Variants in DYM observed in about 807,000 individuals in gnomAD.
The protein encoded by DYM is dyggve-Melchior-Clausen syndrome protein.
DYM carries 78 observed loss-of-function variants against 93.1 expected under a neutral mutation model. The observed-to-expected ratio is 0.84, with a 90% confidence interval of 0.70 to 1.01. DYM has a LOEUF of 1.01. Ranked by LOEUF, DYM falls within the 50% of genes least tolerant of loss-of-function variation. DYM has a pLI of 0.00. For missense variants in DYM, 789 were observed against 845.0 expected, an observed-to-expected ratio of 0.93 and a Z score of 0.82; for synonymous variants, 321 against 319.7, an observed-to-expected ratio of 1.00 and a Z score of -0.04.
chr18:49,456,527 AAAGAT>A (rs772960939), intron 1 of DYM, among the ~76,000 whole-genome samples: 2 of 152,206 alleles, frequency 1.3e-5, no homozygotes, highest in African/African-American at 2.4e-5. Context: ...CAATAAAAGA[AAAGAT>A]AAGCTTTTTA....
At chr18:49,318,797 CTTTT>C (rs932617888) in intron 8 of DYM, among the ~76,000 whole-genome samples, 13 of 114,382 alleles carry the variant, frequency 1.1e-4, no homozygotes, top group Admixed American at 2.7e-4. Flanking sequence ...ATTTCTTTTT[CTTTT>C]TTTTTTTTTT....
chr18:49,341,549 G>T (rs2064145894), intron 6 of DYM, among the ~76,000 whole-genome samples: 1 of 149,492 alleles, frequency 6.7e-6, no homozygotes, highest in Non-Finnish European at 1.5e-5. Flanking sequence ...AGCAAGGTCT[G>T]TATTTCCTTT....
intron 2 of DYM, among the ~76,000 whole-genome samples, chr18:49,415,473 T>C (rs1242790716): frequency 3.3e-5 from 5 of 151,520 alleles, no homozygotes; most frequent in Admixed American, 3.3e-4. Context: ...ATTTAAAGTA[T>C]TAAAAATGAA....
intron 10 of DYM, among the ~76,000 whole-genome samples, chr18:49,280,773 T>TTGGGAAAAGAAGTTTTTC (rs1195043324): frequency 6.6e-6 from 1 of 152,212 alleles, no homozygotes; most frequent in East Asian, 1.9e-4. Flanking sequence ...ATTTGCCCTC[T>TTGGGAAAAGAAGTTTTTC]TGGGAAAAGA....
intron 14 of DYM, among the ~76,000 whole-genome samples, chr18:49,198,640 C>T (rs1162436582): frequency 1.3e-5 from 2 of 151,828 alleles, no homozygotes; most frequent in African/African-American, 2.4e-5. Context: ...CTCATCATCA[C>T]TGGCCATCAG....
At chr18:49,311,254 T>C (rs2061569096) in intron 8 of DYM, among the ~76,000 whole-genome samples, 3 of 152,164 alleles carry the variant, frequency 2.0e-5, no homozygotes, top group Admixed American at 1.3e-4. Context: ...CCAGTTACGA[T>C]GGTCACTGTG....
chr18:49,080,376 G>C (rs1169771469), intron 17 of DYM, among the ~76,000 whole-genome samples: 5 of 137,524 alleles, frequency 3.6e-5, no homozygotes, highest in African/African-American at 1.1e-4. Flanking sequence ...GTGGCTGGCC[G>C]GGCGAGGGGC....
intron 17 of DYM, among the ~76,000 whole-genome samples, chr18:49,045,964 G>T (rs1198834235): frequency 6.6e-6 from 1 of 152,156 alleles, no homozygotes; most frequent in Non-Finnish European, 1.5e-5. Context: ...AGTGCAGCAG[G>T]CAGAGGCAGG....
intron 14 of DYM, among the ~76,000 whole-genome samples, chr18:49,190,286 T>C (rs554270233): frequency 8.5e-5 from 13 of 152,370 alleles, no homozygotes; most frequent in East Asian, 3.9e-4. Context: ...TGATACTACA[T>C]TGGTTTTTCT....
chr18:49,292,355 G>GACAGACAGACACAC (rs769423170), intron 8 of DYM, among the ~76,000 whole-genome samples: 2 of 84,744 alleles, frequency 2.4e-5, no homozygotes, highest in East Asian at 3.4e-4. Context: ...CAGACAGACA[G>GACAGACAGACACAC]ACACACACAC....
In DYM at chr18:49,163,672, G is replaced by A. The variant is rs748006920; in HGVS notation, c.1728+13C>T. ...AGGAAAATTTTTTATTGATGAATAAGGTAACTACTTACATAATCTGGTAGA... is the reference window on the plus strand; with the variant it reads ...AGGAAAATTTTTTATTGATGAATAAAGTAACTACTTACATAATCTGGTAGA... On this transcript the variant is annotated intron_variant, in intron 15 of 17. Transcript: ENST00000675505. 14 of 1,579,996 alleles carry A rather than the reference G, an allele frequency of 8.9e-6. No homozygotes were observed. Among genetic ancestry groups the A allele is most frequent in the Non-Finnish European group, 1.2e-5 (14 of 1,151,870 alleles).
chr18:49,105,814 A>G (rs2080737460), intron 16 of DYM, among the ~76,000 whole-genome samples: 1 of 152,042 alleles, frequency 6.6e-6, no homozygotes, highest in Non-Finnish European at 1.5e-5. Flanking sequence ...TGCTGAGGAG[A>G]GCTTTACTTC....
In DYM at chr18:49,040,600, T is replaced by G. The variant is rs554450107; in HGVS notation, c.*3455A>C. Among the ~76,000 whole-genome samples, 1 of 152,324 alleles carries G rather than the reference T, an allele frequency of 6.6e-6. No individual in the cohort carries two copies. Among genetic ancestry groups the G allele is most frequent in the African/African-American group, 2.4e-5 (1 of 41,576 alleles). ...GTGATGTAGGACACTGGAATTGTTC[T>G]GAATTTGGAGTCAGAAGGCCTAATA... On this transcript the variant is annotated 3_prime_UTR_variant, in exon 18 of 18. Coordinates refer to ENST00000675505, the MANE Select transcript of DYM (RefSeq NM_001353214.3).
chr18:49,203,720 G>T (rs919454313), intron 14 of DYM, among the ~76,000 whole-genome samples: 1 of 140,838 alleles, frequency 7.1e-6, no homozygotes, highest in Non-Finnish European at 1.5e-5. Context: ...CACTGCGGAA[G>T]GCCGCAGGGT....
At chr18:49,179,966 TAGAGGA>T (rs2089760450) in intron 14 of DYM, among the ~76,000 whole-genome samples, 1 of 152,120 alleles carries the variant, frequency 6.6e-6, no homozygotes, top group South Asian at 2.1e-4. Context: ...TTACTTTTGG[TAGAGGA>T]AATTACATGA....
At chr18:49,281,425 C>T (rs2094972824) in intron 10 of DYM, among the ~76,000 whole-genome samples, 1 of 152,142 alleles carries the variant, frequency 6.6e-6, no homozygotes. Flanking sequence ...ACTAGAAATA[C>T]CATTTGACCC....
intron 11 of DYM, among the ~76,000 whole-genome samples, chr18:49,270,390 A>G (rs916558827): frequency 6.6e-6 from 1 of 152,232 alleles, no homozygotes; most frequent in African/African-American, 2.4e-5. Flanking sequence ...TAAAAAGTCA[A>G]ATACACAGAT....
chr18:49,098,265 A>C (rs1263359240), intron 16 of DYM, among the ~76,000 whole-genome samples: 1 of 152,238 alleles, frequency 6.6e-6, no homozygotes, highest in Non-Finnish European at 1.5e-5. Flanking sequence ...GACATGCAAA[A>C]ATATAAAAAA....
intron 16 of DYM, among the ~76,000 whole-genome samples, chr18:49,115,481 T>A (rs1462852686): frequency 6.6e-6 from 1 of 152,108 alleles, no homozygotes; most frequent in African/African-American, 2.4e-5. Flanking sequence ...AACATTTTTT[T>A]AAAGGAAAAA....
Sources: allele counts gnomAD v4.1 joint callset (sites outside exome capture counted in the v4.1 genomes callset), GRCh38; gene constraint gnomAD v4.1.1; transcripts MANE v1.5; gene names NCBI Gene and HGNC (gene_info 2026-07-23, HGNC 2026-07-21).